Variants in ADARB2 observed in about 807,000 individuals in gnomAD.
The protein encoded by ADARB2 is inactive double-stranded RNA-specific editase B2.
A neutral mutation model predicts 62.2 loss-of-function variants in ADARB2; 25 were observed. The observed-to-expected ratio is 0.40, with a 90% CI of 0.29 to 0.56. The LOEUF (loss-of-function observed/expected upper bound fraction) is 0.56, where lower values mean the gene tolerates loss of function less well. Among genes scored for constraint, ADARB2 ranks in the 20% least tolerant of loss-of-function variants. ADARB2 has a pLI of 0.43. For synonymous variants in ADARB2, 572 were observed against 500.8 expected, an observed-to-expected ratio of 1.14 and a Z score of -1.90; for missense variants, 1,071 against 1,077.4, an observed-to-expected ratio of 0.99 and a Z score of 0.08.
At chr10:1,486,679 A>G (rs1831546438) in intron 1 of ADARB2, among the ~76,000 whole-genome samples, 1 of 152,162 alleles carries the variant, frequency 6.6e-6, no homozygotes, top group Admixed American at 6.5e-5. Flanking sequence ...TGCAAAAGAA[A>G]CGACGGCCAG....
Position 1,363,742 on chromosome 10 carries a change from C to T in ADARB2, c.363G>A (p.Ser121=), listed in dbSNP as rs1053706951. ...GCGCGTTCTTGGGCGCCACCGACCA[C>T]GACAGCTTCTTCCAGACCAGCTGCA... ...CKLQLVWKKL[S]WSVAPKNALV... is the part of the protein sequence containing the mutation. The change falls in exon 3 of 10, where the codon TCG becomes TCA. Residue 121 remains serine, a synonymous_variant. Transcript: ENST00000381312. The T allele has an allele frequency of 3.7e-6, 6 of 1,608,704 alleles. No homozygotes were observed. Among genetic ancestry groups the T allele is most frequent in the Non-Finnish European group, 5.1e-6 (6 of 1,179,514 alleles).
At chr10:1,576,201 G>T (rs1833019044) in intron 1 of ADARB2, among the ~76,000 whole-genome samples, 1 of 145,936 alleles carries the variant, frequency 6.9e-6, no homozygotes, top group African/African-American at 2.6e-5. Context: ...AGGGTCACTG[G>T]AGGAGCTCAG....
At chr10:1,657,490 T>C (rs946154646) in intron 1 of ADARB2, among the ~76,000 whole-genome samples, 1 of 152,232 alleles carries the variant, frequency 6.6e-6, no homozygotes, top group African/African-American at 2.4e-5. Flanking sequence ...TTTCCTCCTC[T>C]CTTGGCCTCA....
chr10:1,558,648 C>CT (rs1832744145), intron 1 of ADARB2, among the ~76,000 whole-genome samples: 1 of 113,228 alleles, frequency 8.8e-6, no homozygotes, highest in Non-Finnish European at 1.9e-5. Flanking sequence ...TGCCCCCCTC[C>CT]GTGGGTGCTC....
At chr10:1,440,143 G>A (rs1830887005) in intron 1 of ADARB2, among the ~76,000 whole-genome samples, 1 of 151,222 alleles carries the variant, frequency 6.6e-6, no homozygotes, top group Admixed American at 6.6e-5. Flanking sequence ...TCTCCCCCAG[G>A]ACAGAGGCAG....
chr10:1,562,393 T>A (rs1832796309), intron 1 of ADARB2, among the ~76,000 whole-genome samples: 1 of 152,232 alleles, frequency 6.6e-6, no homozygotes, highest in South Asian at 2.1e-4. Context: ...CATCAGACCC[T>A]CCTAGTTACG....
chr10:1,715,266 C>T (rs1324563587), intron 1 of ADARB2, among the ~76,000 whole-genome samples: 1 of 152,088 alleles, frequency 6.6e-6, no homozygotes, highest in Non-Finnish European at 1.5e-5. Context: ...CTTATTATCC[C>T]CAGATTTTTC....
chr10:1,444,793 C>T (rs551247807), intron 1 of ADARB2, among the ~76,000 whole-genome samples: 1 of 149,980 alleles, frequency 6.7e-6, no homozygotes, highest in African/African-American at 2.5e-5. Context: ...ATCCATCCAC[C>T]CACTCATTCA....
chr10:1,351,468 C>T (rs1197357033), intron 3 of ADARB2, among the ~76,000 whole-genome samples: 6 of 151,536 alleles, frequency 4.0e-5, no homozygotes, highest in African/African-American at 1.5e-4. Flanking sequence ...TTTAAGTACT[C>T]CTTTTAGTTA....
chr10:1,727,207 G>A (rs1230786226), intron 1 of ADARB2, among the ~76,000 whole-genome samples: 1 of 152,150 alleles, frequency 6.6e-6, no homozygotes, highest in Non-Finnish European at 1.5e-5. Context: ...TGGTTTCTGG[G>A]AGCCCAGAGA....
chr10:1,384,546 A>T (rs1041349249), intron 1 of ADARB2, among the ~76,000 whole-genome samples: 1 of 152,176 alleles, frequency 6.6e-6, no homozygotes, highest in African/African-American at 2.4e-5. Context: ...GCAAAACTGG[A>T]CAAAGTCTAT....
intron 1 of ADARB2, among the ~76,000 whole-genome samples, chr10:1,550,180 G>A (rs897930529): frequency 7.2e-5 from 11 of 152,192 alleles, no homozygotes; most frequent in African/African-American, 2.6e-4. Context: ...CAGGCTGCCC[G>A]GCCACCTGCT....
chr10:1,594,800 G>A (rs1442294704), intron 1 of ADARB2, among the ~76,000 whole-genome samples: 1 of 152,204 alleles, frequency 6.6e-6, no homozygotes, highest in Non-Finnish European at 1.5e-5. Flanking sequence ...CCTGTAAGTG[G>A]AGACTCGCAG....
chr10:1,329,929 C>CTTTT (rs370355543), intron 3 of ADARB2, among the ~76,000 whole-genome samples: 55 of 100,236 alleles, frequency 5.5e-4, no homozygotes, highest in South Asian at 1.5e-3. Flanking sequence ...GAAGAAGTGC[C>CTTTT]TTTTTTTTTT....
chr10:1,226,140 C>G (rs1830743384), intron 6 of ADARB2, among the ~76,000 whole-genome samples: 2 of 152,160 alleles, frequency 1.3e-5, no homozygotes, highest in East Asian at 3.8e-4. Flanking sequence ...AACTTCTCTT[C>G]TTGATTCATT....
At chr10:1,622,122 G>T (rs1462970158) in intron 1 of ADARB2, among the ~76,000 whole-genome samples, 2 of 152,070 alleles carry the variant, frequency 1.3e-5, no homozygotes, top group South Asian at 2.1e-4. Flanking sequence ...TCAAGAAATG[G>T]TTCTGGTTCT....
In ADARB2 at chr10:1,180,481, T is replaced by C. The variant is rs1252362444; in HGVS notation, c.*2712A>G. 1 of 152,876 alleles carries C rather than the reference T, an allele frequency of 6.5e-6. No individual in the cohort carries two copies. Among genetic ancestry groups the C allele is most frequent in the East Asian group, 1.9e-4 (1 of 5,212 alleles). 9.5% of individuals were successfully genotyped at this position (152,876 alleles called of 1,614,324 possible). The stretch of plus-strand genomic sequence containing the variant: ...GGGACCTGGCCCCTTCGGGCACTCC[T>C]GGCACTGTGGAATCCTAGGACCTGG... On this transcript the variant is annotated 3_prime_UTR_variant, in exon 10 of 10. Coordinates refer to ENST00000381312, the MANE Select transcript of ADARB2 (RefSeq NM_018702.4).
At chr10:1,224,616 G>C (rs1430263295) in intron 6 of ADARB2, among the ~76,000 whole-genome samples, 1 of 152,100 alleles carries the variant, frequency 6.6e-6, no homozygotes, top group Non-Finnish European at 1.5e-5. Flanking sequence ...AGAGATTCTG[G>C]TATGTTGTGT....
chr10:1,385,962 A>G (rs571923063), intron 1 of ADARB2, among the ~76,000 whole-genome samples: 11 of 152,244 alleles, frequency 7.2e-5, no homozygotes, highest in African/African-American at 2.4e-4. Flanking sequence ...TTGCTAAAAG[A>G]CTATTAACTC....
Sources: gnomAD v4.1 joint callset for allele counts (sites outside exome capture counted in the v4.1 genomes callset) on GRCh38, gnomAD v4.1.1 for gene constraint, MANE v1.5 for transcripts, NCBI Gene and HGNC (gene_info 2026-07-23, HGNC 2026-07-21) for gene names.